ERG: variants seen among roughly 807,000 people sequenced by gnomAD.
The protein encoded by ERG is transcriptional regulator ERG.
ERG carries 9 observed loss-of-function variants against 55.3 expected under a neutral mutation model. The ratio of observed to expected loss-of-function variants is 0.16; its 90% CI spans 0.10 to 0.28. The LOEUF (loss-of-function observed/expected upper bound fraction) is 0.28, where lower values mean the gene tolerates loss of function less well. Among genes scored for constraint, ERG ranks in the 10% least tolerant of loss-of-function variants. The pLI is 1.00. For synonymous variants in ERG, 223 were observed against 237.3 expected (o/e 0.94, Z 0.55); for missense variants, 434 against 631.6 (o/e 0.69, Z 3.35).
At chr21:38,440,563 G>T (rs2058831376) in intron 2 of ERG, among the ~76,000 whole-genome samples, 1 of 152,134 alleles carries the variant, frequency 6.6e-6, no homozygotes, top group South Asian at 2.1e-4. Flanking sequence ...GCTCACGCTT[G>T]TAATCCCAGC....
chr21:38,456,598 C>CGG (rs1555901838), intron 1 of ERG, among the ~76,000 whole-genome samples: 1 of 152,140 alleles, frequency 6.6e-6, no homozygotes, highest in Non-Finnish European at 1.5e-5. Context: ...TCCCCATCCC[C>CGG]ATCATTGTTG....
At chr21:38,508,068 C>CAAAGACAGACACAT (rs1164173733) in intron 2 of ERG, among the ~76,000 whole-genome samples, 1 of 8,884 alleles carries the variant, frequency 1.1e-4, no homozygotes, top group Non-Finnish European at 2.2e-4. Flanking sequence ...CATATACACA[C>CAAAGACAGACACAT]ATGCACACAC....
chr21:38,490,610 AG>A (rs2059327312), intron 1 of ERG, among the ~76,000 whole-genome samples: 1 of 152,200 alleles, frequency 6.6e-6, no homozygotes, highest in Non-Finnish European at 1.5e-5. Context: ...AAGATCCGAT[AG>A]GGGCACTGCT....
At chr21:38,581,375 A>G (rs890076427) in intron 1 of ERG, among the ~76,000 whole-genome samples, 5 of 152,226 alleles carry the variant, frequency 3.3e-5, no homozygotes, top group Admixed American at 6.5e-5. Context: ...ATATTACTGT[A>G]GTATAATAAG....
intron 1 of ERG, among the ~76,000 whole-genome samples, chr21:38,478,148 C>T (rs1175186369): frequency 6.6e-6 from 1 of 152,188 alleles, no homozygotes; most frequent in Non-Finnish European, 1.5e-5. Flanking sequence ...AGACCGGCCC[C>T]AATAACAGTT....
intron 1 of ERG, among the ~76,000 whole-genome samples, chr21:38,487,103 G>A (rs983701709): frequency 3.5e-5 from 5 of 142,670 alleles, no homozygotes; most frequent in Admixed American, 7.2e-5. Flanking sequence ...ATCGTAACAA[G>A]TTCAGCCCTC....
At chr21:38,479,310 T>C (rs2059216327) in intron 1 of ERG, among the ~76,000 whole-genome samples, 1 of 152,110 alleles carries the variant, frequency 6.6e-6, no homozygotes, top group Admixed American at 6.6e-5. Context: ...GCTCTTCCAA[T>C]GGGCAACCGT....
intron 6 of ERG, among the ~76,000 whole-genome samples, chr21:38,392,928 C>T (rs1988045372): frequency 1.3e-5 from 2 of 152,280 alleles, no homozygotes; most frequent in South Asian, 2.1e-4. Context: ...GTGATCGCTG[C>T]CTTATCTTTT....
At chr21:38,493,226 C>T (rs2836439) in intron 1 of ERG, among the ~76,000 whole-genome samples, 24,554 of 152,092 alleles carry the variant, frequency 0.16, 2,048 homozygotes, top group East Asian at 0.19. Context: ...AGTGAAACAT[C>T]GCAAGCAGCA....
intron 2 of ERG, among the ~76,000 whole-genome samples, chr21:38,552,857 A>G (rs991479956): frequency 1.3e-5 from 2 of 151,776 alleles, no homozygotes; most frequent in African/African-American, 4.8e-5. Flanking sequence ...AAAAAAAAAA[A>G]AAAGAAACAA....
At chr21:38,447,629 G>A (rs1340574483) in intron 1 of ERG, among the ~76,000 whole-genome samples, 1 of 151,476 alleles carries the variant, frequency 6.6e-6, no homozygotes, top group Non-Finnish European at 1.5e-5. Context: ...GGGTTTCAAA[G>A]TAAAATCAGC....
chr21:38,492,715 C>T (rs542742072), intron 1 of ERG, among the ~76,000 whole-genome samples: 1 of 152,176 alleles, frequency 6.6e-6, no homozygotes, highest in South Asian at 2.1e-4. Context: ...GGAGAGTGGA[C>T]AGATGGGAAT....
chr21:38,599,815 T>C (rs548399246), intron 1 of ERG, among the ~76,000 whole-genome samples: 1 of 152,348 alleles, frequency 6.6e-6, no homozygotes, highest in South Asian at 2.1e-4. Flanking sequence ...GCTATCAGAC[T>C]TGAGGCATGA....
chr21:38,543,910 T>C (rs992171948), intron 2 of ERG, among the ~76,000 whole-genome samples: 37 of 152,084 alleles, frequency 2.4e-4, no homozygotes, highest in African/African-American at 8.9e-4. Context: ...CTAATTTTTA[T>C]ATTTTTAGTA....
intron 1 of ERG, among the ~76,000 whole-genome samples, chr21:38,653,015 C>T (rs2060497416): frequency 6.6e-6 from 1 of 152,226 alleles, no homozygotes; most frequent in African/African-American, 2.4e-5. Flanking sequence ...TTCGCATTCA[C>T]CGCCTAGATT....
intron 1 of ERG, among the ~76,000 whole-genome samples, chr21:38,497,509 G>A (rs1161065223): frequency 6.6e-6 from 1 of 152,144 alleles, no homozygotes; most frequent in African/African-American, 2.4e-5. Context: ...ATTCAAGACT[G>A]CATGCCCCTT....
chr21:38,519,636 C>T (rs934867130), intron 2 of ERG, among the ~76,000 whole-genome samples: 1 of 152,148 alleles, frequency 6.6e-6, no homozygotes, highest in Non-Finnish European at 1.5e-5. Flanking sequence ...ACAAGAGGAG[C>T]AGAGAAGGAT....
the ERG span, among the ~76,000 whole-genome samples, chr21:38,372,585 CGTT>C: frequency 5.9e-5 from 9 of 151,442 alleles, no homozygotes; most frequent in African/African-American, 1.7e-4. Context: ...TTTTTTGAAA[CGTT>C]AGTATATTTC....
chr21:38,411,098 TATA>T (rs1408044391), intron 3 of ERG, among the ~76,000 whole-genome samples: 1 of 152,176 alleles, frequency 6.6e-6, no homozygotes, highest in Non-Finnish European at 1.5e-5. Flanking sequence ...AAGTTACATT[TATA>T]AAGCAGGCCC....
Sources: allele counts gnomAD v4.1 joint callset (sites outside exome capture counted in the v4.1 genomes callset), GRCh38; gene constraint gnomAD v4.1.1; transcripts MANE v1.5; gene names NCBI Gene and HGNC (gene_info 2026-07-23, HGNC 2026-07-21).